The following ANKMY1 variants were observed in gnomAD, a reference collection of about 807,000 sequenced individuals.
The protein encoded by ANKMY1 is ankyrin repeat and MYND domain-containing protein 1.
A neutral mutation model predicts 102.0 loss-of-function variants in ANKMY1; 98 were observed. The observed-to-expected ratio is 0.96, with a 90% CI of 0.82 to 1.14. The LOEUF (loss-of-function observed/expected upper bound fraction) is 1.14. Ranked by LOEUF, ANKMY1 falls within the 50% of genes most tolerant of loss-of-function variation. The pLI is 0.00. For synonymous variants in ANKMY1, 582 were observed against 559.9 expected (o/e 1.04, Z -0.56); for missense variants, 1,330 against 1,347.6 (o/e 0.99, Z 0.20).
At chr2:240,538,939 T>C (rs985998149) in intron 4 of ANKMY1, among the ~76,000 whole-genome samples, 2 of 152,102 alleles carry the variant, frequency 1.3e-5, no homozygotes, top group African/African-American at 4.8e-5. Flanking sequence ...AGCTAGAGGA[T>C]TGTAAATGCA....
At chr2:240,551,116 T>C (rs1489942682) in intron 4 of ANKMY1, among the ~76,000 whole-genome samples, 1 of 152,050 alleles carries the variant, frequency 6.6e-6, no homozygotes, top group Non-Finnish European at 1.5e-5. Context: ...GCTGACTGCA[T>C]GGACTCAGCT....
chr2:240,527,565 G>A (rs1348975795), intron 5 of ANKMY1: 3 of 18,868 alleles, frequency 1.6e-4, no homozygotes, highest in Admixed American at 1.3e-3. Context: ...GTGAGTGGGT[G>A]AATTAATGGG....
chr2:240,479,792 G>C, intron 17 of ANKMY1, 137 bp from the exon 18 acceptor site: 1 of 741,728 alleles, frequency 1.3e-6, no homozygotes, highest in Non-Finnish European at 2.3e-6. Context: ...GCAAGGAGTC[G>C]GGATGCAGCA....
chr2:240,527,131 G>A (rs1463322633), intron 5 of ANKMY1: 1 of 413,270 alleles, frequency 2.4e-6, no homozygotes, highest in African/African-American at 2.2e-5. Context: ...TGGATGGATG[G>A]GTGGGTGGAT....
intron 8 of ANKMY1, chr2:240,522,274 G>C (rs577873940): frequency 6.6e-6 from 1 of 152,316 alleles, no homozygotes; most frequent in East Asian, 1.9e-4. Flanking sequence ...AGCTCAGCTG[G>C]CTTCACCTCT....
chr2:240,538,388 C>T (rs926255469), intron 4 of ANKMY1, among the ~76,000 whole-genome samples: 1 of 152,194 alleles, frequency 6.6e-6, no homozygotes, highest in Non-Finnish European at 1.5e-5. Flanking sequence ...CCAGCCGGTG[C>T]CACTTGCCCC....
At chr2:240,507,475 A>AC in intron 13 of ANKMY1, 85 bp downstream of exon 13, 1 of 1,287,104 alleles carries the variant, frequency 7.8e-7, no homozygotes, top group Non-Finnish European at 1.0e-6. Context: ...CATCAGGGCC[A>AC]CCCAGCCCTC....
chr2:240,528,370 G>A (rs985219570), intron 5 of ANKMY1, among the ~76,000 whole-genome samples: 5 of 150,960 alleles, frequency 3.3e-5, no homozygotes, highest in Admixed American at 2.7e-4. Flanking sequence ...GGGTAGGAGG[G>A]TTTTTGGAAG....
chr2:240,536,799 A>G (rs191811216), intron 4 of ANKMY1, among the ~76,000 whole-genome samples: 168 of 152,328 alleles, frequency 1.1e-3, no homozygotes, highest in African/African-American at 3.9e-3. Flanking sequence ...GGATTCTATA[A>G]TATTTATTGA....
chr2:240,502,106 C>T (rs946066885), intron 13 of ANKMY1, among the ~76,000 whole-genome samples: 3 of 152,086 alleles, frequency 2.0e-5, no homozygotes, highest in Non-Finnish European at 4.4e-5. Context: ...TGGTGATGGA[C>T]AGGTGGGTGG....
At position 240,507,540 on chromosome 2, in the gene ANKMY1, C is replaced by A. The variant is rs1283249758; in HGVS notation, c.2526+20G>T. 6.3e-7 allele frequency: 1 copy of A among 1,595,806 alleles called. No individual in the cohort carries two copies. The highest frequency in any genetic ancestry group is 8.5e-7 in the Non-Finnish European group (1 of 1,170,948). On this transcript the variant is annotated intron_variant, in intron 13 of 17. Transcript: ENST00000401804. ...CCTCAAACCCCCTCACCAGGGCCAC[C>A]CCAGCCTCCTGCCCCTCACCAGGGC...
downstream of ANKMY1, among the ~76,000 whole-genome samples, chr2:240,479,117 G>A (rs2075060790): frequency 6.6e-6 from 1 of 151,936 alleles, no homozygotes; most frequent in Non-Finnish European, 1.5e-5. Flanking sequence ...TAAGTGCACG[G>A]GGAACAAACG....
chr2:240,491,073 G>A lies in ANKMY1; in HGVS notation c.2807-8812C>T, dbSNP rs181267472. On this transcript the variant is annotated intron_variant, in intron 15 of 17. Transcript: ENST00000401804. ...CTCTTGCTAGATTTATCCCTTTATCGTTATATAATGACTTTGTCTTTTTTT... is the reference window on the plus strand; with the variant it reads ...CTCTTGCTAGATTTATCCCTTTATCATTATATAATGACTTTGTCTTTTTTT... Among the ~76,000 whole-genome samples the A allele has an allele frequency of 1.8e-3, 265 of 146,264 alleles. 1 individual carries two copies. Among genetic ancestry groups the A allele is most frequent in the African/African-American group, 6.0e-3 (241 of 39,968 alleles).
intron 9 of ANKMY1, chr2:240,519,675 G>C (rs1363976854): frequency 1.3e-5 from 2 of 159,330 alleles, no homozygotes; most frequent in African/African-American, 4.8e-5. Flanking sequence ...AGGGGGACAG[G>C]TGGGAAAAGG....
the ANKMY1 span, among the ~76,000 whole-genome samples, chr2:240,469,961 C>A: frequency 6.6e-6 from 1 of 152,220 alleles, no homozygotes; most frequent in Non-Finnish European, 1.5e-5. Context: ...CACATGTGCA[C>A]AGGCCTATGC....
At position 240,552,958 on chromosome 2, in the gene ANKMY1, G is replaced by C. The variant is rs774617357; in HGVS notation, c.436C>G (p.Arg146Gly). The C allele has an allele frequency of 6.2e-7, 1 of 1,613,964 alleles. No individual in the cohort carries two copies. The highest frequency in any genetic ancestry group is 8.5e-7 in the Non-Finnish European group (1 of 1,180,016). Residue 146 changes from arginine to glycine, a missense_variant, in exon 4 of 18, where the codon CGA becomes GGA. Physicochemically the swap from Arg to Gly is moderately radical, Grantham distance 125. Coordinates refer to ENST00000401804, the MANE Select transcript of ANKMY1 (RefSeq NM_001282771.3). ...SFTGTFYLSHREGYGTMYMKT... is the reference protein window; with the variant it reads ...SFTGTFYLSHGEGYGTMYMKT... ...ATGTACATGGTGCCGTAGCCTTCTC[G>C]GTGGCTGAGGTAAAATGTGCCCGTG...
Position 240,555,182 on chromosome 2 carries a change from T to C in ANKMY1, c.147-127A>G, listed in dbSNP as rs2092161465. On this transcript the variant is annotated intron_variant, in intron 2 of 17. Transcript: ENST00000401804. Reference sequence around the variant, plus strand: ...CCCACAGTCCCGGGGCAGGTGCCGCTGCATCCCCACTCCACTTGGAGAGAA... The same window carrying C: ...CCCACAGTCCCGGGGCAGGTGCCGCCGCATCCCCACTCCACTTGGAGAGAA... 14 of 974,418 alleles carry C rather than the reference T, an allele frequency of 1.4e-5. No individual in the cohort carries two copies. The South Asian group carries it at 1.6e-4, about 11-fold the overall frequency. 60.4% of individuals were successfully genotyped at this position (974,418 alleles called of 1,614,324 possible). A position where few individuals can be genotyped will look rare whatever the true frequency, so the allele number is the denominator to read the frequency against.
chr2:240,524,964 T>C (rs1371479373), intron 7 of ANKMY1, among the ~76,000 whole-genome samples: 1 of 152,214 alleles, frequency 6.6e-6, no homozygotes, highest in Non-Finnish European at 1.5e-5. Context: ...ACAGTTGTTT[T>C]TGGATAAACA....
intron 13 of ANKMY1, among the ~76,000 whole-genome samples, chr2:240,504,083 C>T (rs1410486397): frequency 6.6e-6 from 1 of 152,234 alleles, no homozygotes; most frequent in African/African-American, 2.4e-5. Flanking sequence ...AGGCTATGGT[C>T]TGCTGCAGCA....
Sources: allele counts gnomAD v4.1 joint callset (sites outside exome capture counted in the v4.1 genomes callset), GRCh38; gene constraint gnomAD v4.1.1; transcripts MANE v1.5; gene names NCBI Gene and HGNC (gene_info 2026-07-23, HGNC 2026-07-21).